The following ZP3 variants were observed in gnomAD, a reference collection of about 807,000 sequenced individuals.
ZP3 encodes the protein zona pellucida glycoprotein 3.
Under a neutral mutation model 35.6 loss-of-function variants are expected in ZP3, and 21 were observed. That is an observed-to-expected ratio of 0.59 (90% confidence interval 0.42 to 0.85). ZP3 has a LOEUF of 0.85. Ranked by LOEUF, ZP3 falls within the 40% of genes least tolerant of loss-of-function variation. ZP3 has a pLI of 0.00. For missense variants in ZP3, 437 were observed against 536.5 expected (o/e 0.81, Z 1.83); for synonymous variants, 207 against 214.5 (o/e 0.96, Z 0.31).
chr7:76,437,417 C>T (rs1330248438), intron 5 of ZP3, among the ~76,000 whole-genome samples: 1 of 151,596 alleles, frequency 6.6e-6, no homozygotes, highest in Non-Finnish European at 1.5e-5. Context: ...CTCAGGTGAT[C>T]CACCTGCCTC....
intron 1 of ZP3, among the ~76,000 whole-genome samples, chr7:76,410,177 A>T (rs533213193): frequency 4.6e-5 from 7 of 152,026 alleles, no homozygotes; most frequent in Non-Finnish European, 1.0e-4. Flanking sequence ...GATTACAGGC[A>T]TGCACCACCA....
rs190681385 is a variant in ZP3, at chr7:76,400,496, C to G, written c.-67+2699C>G. 8 of 1,600,462 alleles carry G rather than the reference C, an allele frequency of 5.0e-6. No individual in the cohort carries two copies. In the African/African-American group the frequency reaches 1.1e-4, roughly 21 times the overall value. On this transcript the variant is annotated intron_variant, in intron 1 of 8. Coordinates refer to the ZP3 transcript ENST00000336517. ...CGACACACTACGTTGGCGTCCACCA[C>G]GTCCCAGTCGTCATCACAGACGCTG...
intron 1 of ZP3, chr7:76,398,724 T>G (rs946197191): frequency 4.3e-6 from 7 of 1,613,060 alleles, no homozygotes; most frequent in Non-Finnish European, 5.9e-6. Flanking sequence ...ACGTACTTTT[T>G]CCATTCGGCA....
At chr7:76,403,253 CGA>C (rs1212111251) in intron 1 of ZP3, among the ~76,000 whole-genome samples, 2 of 152,052 alleles carry the variant, frequency 1.3e-5, no homozygotes, top group Non-Finnish European at 2.9e-5. Context: ...ACTTGTGGTC[CGA>C]GTATGACAGT....
intron 2 of ZP3, 112 bp from the exon 3 acceptor site, chr7:76,432,814 TG>T: frequency 1.2e-6 from 1 of 824,308 alleles, no homozygotes; most frequent in Non-Finnish European, 1.9e-6. Flanking sequence ...GCTACCTGGC[TG>T]GGCCATAGCT....
At chr7:76,404,710 C>G (rs1371087561) in intron 1 of ZP3, among the ~76,000 whole-genome samples, 1 of 151,972 alleles carries the variant, frequency 6.6e-6, no homozygotes, top group Non-Finnish European at 1.5e-5. Flanking sequence ...GCGGGTGGAT[C>G]GCTTGAACCC....
intron 1 of ZP3, among the ~76,000 whole-genome samples, chr7:76,410,152 C>T (rs2017545): frequency 0.029 from 4,366 of 152,040 alleles, 201 homozygotes; most frequent in African/African-American, 0.096. Flanking sequence ...CGTGCCTCAG[C>T]GCCCGAGTAC....
chr7:76,436,699 G>T (rs1270429249), intron 5 of ZP3, among the ~76,000 whole-genome samples: 26 of 152,256 alleles, frequency 1.7e-4, no homozygotes, highest in Non-Finnish European at 2.9e-4. Context: ...GCAGATTTGG[G>T]AAAAGAGTCC....
At chr7:76,435,553 G>C (rs567885714) in intron 5 of ZP3, among the ~76,000 whole-genome samples, 3 of 152,246 alleles carry the variant, frequency 2.0e-5, no homozygotes, top group Non-Finnish European at 4.4e-5. Flanking sequence ...TCCAGTGCTG[G>C]CTCTATACTA....
At chr7:76,438,045 T>C (rs1806077592) in intron 5 of ZP3, among the ~76,000 whole-genome samples, 1 of 152,244 alleles carries the variant, frequency 6.6e-6, no homozygotes, top group Non-Finnish European at 1.5e-5. Context: ...TCTGCTGGTG[T>C]ACTTGGCCAC....
At chr7:76,426,514 C>G (rs557435090) in intron 1 of ZP3, among the ~76,000 whole-genome samples, 99 of 144,762 alleles carry the variant, frequency 6.8e-4, no homozygotes, top group Middle Eastern at 6.9e-3. Flanking sequence ...CTCCTGGGCT[C>G]TCTTTGAGGA....
exon 1 of ZP3, chr7:76,397,710 C>G (rs375655664): frequency 5.6e-6 from 9 of 1,613,366 alleles, no homozygotes; most frequent in African/African-American, 1.3e-5. Flanking sequence ...TGACGACAGA[C>G]CACAGCGGCA....
chr7:76,412,611 AG>A (rs1805275832), intron 1 of ZP3, among the ~76,000 whole-genome samples: 1 of 152,164 alleles, frequency 6.6e-6, no homozygotes, highest in African/African-American at 2.4e-5. Flanking sequence ...GCACTTTGGG[AG>A]GTCGAGGCAG....
chr7:76,439,966 G>A, intron 5 of ZP3: 1 of 337,590 alleles, frequency 3.0e-6, no homozygotes, highest in South Asian at 3.7e-5. Flanking sequence ...TCCTGCCTCA[G>A]CCTTCCAGGT....
intron 1 of ZP3, among the ~76,000 whole-genome samples, chr7:76,413,396 G>A (rs1029030901): frequency 4.6e-5 from 7 of 151,986 alleles, no homozygotes; most frequent in African/African-American, 1.7e-4. Context: ...CTGCGTAGCT[G>A]GGACTACAGG....
At position 76,428,060 on chromosome 7, in the gene ZP3, C is replaced by T. The variant is rs189395925; in HGVS notation, c.313-1455C>T. 3.3e-3 allele frequency among the ~76,000 whole-genome samples: 494 copies of T among 151,836 alleles called. 2 individuals are homozygous for T. The highest frequency in any genetic ancestry group is 0.011 in the African/African-American group (462 of 41,386). ...GTGGTTGGGGGTTGAGTCATGGTGG[C>T]TCACACCTGTAATCCAGCACTTTGG... On this transcript the variant is annotated intron_variant, in intron 1 of 7. Coordinates refer to ENST00000394857, the MANE Select transcript of ZP3 (RefSeq NM_001110354.2).
rs1465150327 is a variant in ZP3, at chr7:76,404,502, AC to A, written c.-67+6706del. 5.7e-5 allele frequency: 92 copies of A among 1,611,858 alleles called. 2 individuals are homozygous for A. The African/African-American group carries it at 1.2e-3, about 21-fold the overall frequency. ...GCGCCAGGGAGAAGTCACAGTTGGA[AC>A]ATCTGAAATTAAAGATCCCAAATGT... is the stretch of plus-strand genomic sequence containing the variant. On this transcript the variant is annotated intron_variant, in intron 1 of 8. Coordinates refer to the ZP3 transcript ENST00000336517.
intron 1 of ZP3, chr7:76,400,431 G>A: frequency 1.9e-6 from 3 of 1,607,110 alleles, no homozygotes; most frequent in Non-Finnish European, 2.6e-6. Flanking sequence ...CAAAGGCAAG[G>A]GGCCGTGGCA....
intron 1 of ZP3, chr7:76,401,000 G>T (rs1269219247): frequency 6.4e-7 from 1 of 1,550,794 alleles, no homozygotes; most frequent in East Asian, 2.4e-5. Context: ...GCGGGGTGGG[G>T]CACCTACCTT....
Sources: gnomAD v4.1 joint callset for allele counts (sites outside exome capture counted in the v4.1 genomes callset) on GRCh38, gnomAD v4.1.1 for gene constraint, MANE v1.5 for transcripts, NCBI Gene and HGNC (gene_info 2026-07-23, HGNC 2026-07-21) for gene names.